DEGS1: variants seen among roughly 807,000 people sequenced by gnomAD.
The protein encoded by DEGS1 is sphingolipid delta(4)-desaturase DES1.
In DEGS1, 17 loss-of-function variants were observed where a neutral mutation model predicts 24.1. That is an observed-to-expected ratio of 0.70 (90% CI 0.48 to 1.06). The LOEUF (loss-of-function observed/expected upper bound fraction) is 1.06. Among genes scored for constraint, DEGS1 ranks in the 50% least tolerant of loss-of-function variants. The pLI, the probability that DEGS1 is intolerant of heterozygous loss-of-function variation, is 0.00. For synonymous variants in DEGS1, 134 were observed against 140.0 expected, an observed-to-expected ratio of 0.96 and a Z score of 0.30; for missense variants, 366 against 408.9, an observed-to-expected ratio of 0.90 and a Z score of 0.91.
chr1:224,185,568 C>T (rs1448546077), intron 1 of DEGS1, among the ~76,000 whole-genome samples: 3 of 152,192 alleles, frequency 2.0e-5, no homozygotes, highest in Non-Finnish European at 2.9e-5. Flanking sequence ...GGCCCAGTCT[C>T]GGCTCACTGC....
chr1:224,184,412 C>T (rs1053072300), intron 1 of DEGS1, among the ~76,000 whole-genome samples: 3 of 152,094 alleles, frequency 2.0e-5, no homozygotes, highest in South Asian at 2.1e-4. Flanking sequence ...TGACTAAATG[C>T]TAGGGGGATT....
intron 1 of DEGS1, among the ~76,000 whole-genome samples, chr1:224,185,822 T>C (rs997240740): frequency 6.6e-6 from 1 of 152,174 alleles, no homozygotes; most frequent in African/African-American, 2.4e-5. Context: ...CAATGCCTTA[T>C]CTACATGTTA....
intron 2 of DEGS1, chr1:224,191,293 G>T (rs1490376690): frequency 6.6e-6 from 1 of 151,840 alleles, no homozygotes. Flanking sequence ...GGGAGGCTGA[G>T]GCGGGAGAAT....
chr1:224,183,281 G>C lies in DEGS1; in HGVS notation c.-56G>C. On this transcript the variant is annotated 5_prime_UTR_variant, in exon 1 of 3. Coordinates refer to ENST00000323699, the MANE Select transcript of DEGS1 (RefSeq NM_003676.4). ...AGCCGCCGCCGCCGCCGCCACCTCT[G>C]AGCAGCCGGCTGGGAGCGAGAGCCG... The C allele has an allele frequency of 6.9e-7, 1 of 1,443,542 alleles. No individual in the cohort carries two copies. Among genetic ancestry groups the C allele is most frequent in the Non-Finnish European group, 9.2e-7 (1 of 1,088,662 alleles). The allele number at this position is 1,443,542 out of a possible 1,614,324, so 89.4% of individuals were successfully genotyped here.
At chr1:224,189,484 T>TA (rs1394246935) in intron 1 of DEGS1, 93 bp from the exon 2 acceptor site, 1 of 957,840 alleles carries the variant, frequency 1.0e-6, no homozygotes, top group Non-Finnish European at 1.5e-6. Flanking sequence ...AGAACAAATT[T>TA]AATGTGTTAG....
rs1658584877 is a variant in DEGS1 at position 224,193,034 on chromosome 1, TGG to T, written c.*558_*559del. The T allele has an allele frequency of 6.6e-6, 1 of 152,232 alleles. No homozygotes were observed. The highest frequency in any genetic ancestry group is 1.5e-5 in the Non-Finnish European group (1 of 68,080). The allele number at this position is 152,232 out of a possible 1,614,324, so 9.4% of individuals were successfully genotyped here. A position where few individuals can be genotyped will look rare whatever the true frequency, so the allele number is the denominator to read the frequency against. On this transcript the variant is annotated 3_prime_UTR_variant, in exon 3 of 3. Transcript: ENST00000323699. ...AAGATTGTGCCACTGCACTCCACCC[TGG>T]GCAACAGAGCAAGACCCCATCTCAA... is the stretch of plus-strand genomic sequence containing the variant.
At chr1:224,187,889 T>C (rs1185002778) in intron 1 of DEGS1, among the ~76,000 whole-genome samples, 1 of 152,164 alleles carries the variant, frequency 6.6e-6, no homozygotes, top group Non-Finnish European at 1.5e-5. Context: ...ATTCTGGACA[T>C]TTCATATACA....
Position 224,192,372 on chromosome 1 carries a change from A to G in DEGS1, c.866A>G (p.His289Arg). 3 of 1,613,676 alleles carry G rather than the reference A, an allele frequency of 1.9e-6. No individual in the cohort carries two copies. The highest frequency in any genetic ancestry group is 4.5e-5 in the East Asian group (2 of 44,868). Residue 289 changes from histidine to arginine, a missense_variant, in exon 3 of 3, where the codon CAC (histidine) becomes CGC (arginine). Physicochemically the swap from His to Arg is conservative, Grantham distance 29. Coordinates refer to ENST00000323699, the MANE Select transcript of DEGS1 (RefSeq NM_003676.4). Reference sequence around the variant, plus strand: ...GCTGAATACTATGACAACCTCCCTCACTACAATTCCTGGATAAAAGTACTG... The same window carrying G: ...GCTGAATACTATGACAACCTCCCTCGCTACAATTCCTGGATAAAAGTACTG... ...IAAEYYDNLP[H>R]YNSWIKVLYD... is the part of the protein sequence containing the mutation.
At chr1:224,184,970 TAC>T (rs58790626) in intron 1 of DEGS1, among the ~76,000 whole-genome samples, 20,246 of 148,394 alleles carry the variant, frequency 0.14, 1,437 homozygotes, top group East Asian at 0.27. Context: ...GCCCCCCGTT[TAC>T]ACACACACAC....
At chr1:224,190,711 T>G (rs1388243745) in intron 2 of DEGS1, among the ~76,000 whole-genome samples, 1 of 152,134 alleles carries the variant, frequency 6.6e-6, no homozygotes, top group Non-Finnish European at 1.5e-5. Flanking sequence ...TTAGGATTTA[T>G]TTTTAATTTT....
In DEGS1 at chr1:224,183,409, G is replaced by C. The variant is rs1302195250; in HGVS notation, c.73G>C (p.Glu25Gln). The C allele has an allele frequency of 3.5e-6, 5 of 1,424,480 alleles. No homozygotes were observed. Among genetic ancestry groups the C allele is most frequent in the Non-Finnish European group, 4.6e-6 (5 of 1,079,124 alleles). The allele number at this position is 1,424,480 out of a possible 1,614,324, so 88.2% of individuals were successfully genotyped here. A position where few individuals can be genotyped will look rare whatever the true frequency, so the allele number is the denominator to read the frequency against. ...TDQPHADRRR[E>Q]ILAKYPEIKS... The stretch of plus-strand genomic sequence containing the variant: ...CCAGCCGCACGCCGACCGGCGCCGG[G>C]AGATCCTGGGTGAGGGCCAGCGGGC... Residue 25 changes from glutamate to glutamine, a missense_variant, in exon 1 of 3, where the codon GAG becomes CAG. Glu to Gln is a conservative substitution (Grantham distance 29). Transcript: ENST00000323699.
Position 224,183,406 on chromosome 1 carries a change from C to A in DEGS1, c.70C>A (p.Arg24=), listed in dbSNP as rs1363596195. 45 of 1,426,326 alleles carry A rather than the reference C, an allele frequency of 3.2e-5. No individual in the cohort carries two copies. The East Asian group carries it at 1.4e-3, about 44-fold the overall frequency. The allele number at this position is 1,426,326 out of a possible 1,614,324, so 88.4% of individuals were successfully genotyped here. The part of the protein sequence containing the change: ...YTDQPHADRR[R]EILAKYPEIK... ...CGACCAGCCGCACGCCGACCGGCGC[C>A]GGGAGATCCTGGGTGAGGGCCAGCG... is the stretch of plus-strand genomic sequence containing the variant. Residue 24 remains arginine, a synonymous_variant, in exon 1 of 3, where the codon CGG becomes AGG. Coordinates refer to ENST00000323699, the MANE Select transcript of DEGS1 (RefSeq NM_003676.4).
intron 1 of DEGS1, among the ~76,000 whole-genome samples, chr1:224,185,230 A>G (rs938062858): frequency 3.3e-5 from 5 of 151,974 alleles, no homozygotes; most frequent in Admixed American, 2.0e-4. Flanking sequence ...GGCTCAAGCA[A>G]TCTGTCCGCT....
intron 1 of DEGS1, among the ~76,000 whole-genome samples, chr1:224,186,396 A>T (rs1228139980): frequency 6.6e-6 from 1 of 151,970 alleles, no homozygotes; most frequent in Non-Finnish European, 1.5e-5. Context: ...TCACTGAACC[A>T]TTTCACTGGG....
At chr1:224,190,832 C>T (rs1181658719) in intron 2 of DEGS1, among the ~76,000 whole-genome samples, 1 of 152,016 alleles carries the variant, frequency 6.6e-6, no homozygotes, top group Non-Finnish European at 1.5e-5. Context: ...AAGCGATCCT[C>T]CCACCTCAGC....
chr1:224,188,452 C>T (rs895808528), intron 1 of DEGS1, among the ~76,000 whole-genome samples: 1 of 152,156 alleles, frequency 6.6e-6, no homozygotes, highest in African/African-American at 2.4e-5. Context: ...TCCAAAGCAG[C>T]TGCACCATTT....
At chr1:224,186,452 G>A (rs1010615962) in intron 1 of DEGS1, among the ~76,000 whole-genome samples, 4 of 152,210 alleles carry the variant, frequency 2.6e-5, no homozygotes, top group South Asian at 2.1e-4. Context: ...GGTGGCTCAC[G>A]CCTGTAATCC....
Position 224,183,278 on chromosome 1 carries a change from T to G in DEGS1, c.-59T>G. 2.8e-6 allele frequency: 4 copies of G among 1,432,878 alleles called. No homozygotes were observed. Among genetic ancestry groups the G allele is most frequent in the Non-Finnish European group, 3.7e-6 (4 of 1,080,572 alleles). 88.8% of individuals were successfully genotyped at this position (1,432,878 alleles called of 1,614,324 possible). On this transcript the variant is annotated 5_prime_UTR_variant, in exon 1 of 3. Coordinates refer to ENST00000323699, the MANE Select transcript of DEGS1 (RefSeq NM_003676.4). Reference sequence around the variant, plus strand: ...GGGAGCCGCCGCCGCCGCCGCCACCTCTGAGCAGCCGGCTGGGAGCGAGAG... The same window carrying G: ...GGGAGCCGCCGCCGCCGCCGCCACCGCTGAGCAGCCGGCTGGGAGCGAGAG...
chr1:224,187,524 A>C (rs1435965335), intron 1 of DEGS1, among the ~76,000 whole-genome samples: 2 of 151,590 alleles, frequency 1.3e-5, no homozygotes, highest in African/African-American at 2.4e-5. Context: ...TCACCTGGCT[A>C]ATTTTTTTTA....
Sources: allele counts gnomAD v4.1 joint callset (sites outside exome capture counted in the v4.1 genomes callset), GRCh38; gene constraint gnomAD v4.1.1; transcripts MANE v1.5; gene names NCBI Gene and HGNC (gene_info 2026-07-23, HGNC 2026-07-21).